SLC16A6: variants seen among roughly 807,000 people sequenced by gnomAD.
SLC16A6 encodes the protein monocarboxylate transporter 7.
In SLC16A6, 15 loss-of-function variants were observed where a neutral mutation model predicts 33.8. That is an observed-to-expected ratio of 0.44 (90% CI 0.30 to 0.68). The LOEUF is 0.68. Among genes scored for constraint, SLC16A6 ranks in the 30% least tolerant of loss-of-function variants. The pLI, the probability that SLC16A6 is intolerant of heterozygous loss-of-function variation, is 0.10. For missense variants in SLC16A6, 451 were observed against 661.5 expected, an observed-to-expected ratio of 0.68 and a Z score of 3.49; for synonymous variants, 219 against 248.4, an observed-to-expected ratio of 0.88 and a Z score of 1.11.
Position 68,269,006 on chromosome 17 carries a change from G to C in SLC16A6, c.*90C>G. On this transcript the variant is annotated 3_prime_UTR_variant, in exon 6 of 6. Coordinates refer to ENST00000580666, the MANE Select transcript of SLC16A6 (RefSeq NM_004694.5). ...AATGTAGTTTTGAAAGTGGAGTAGAGGGGTTAGCTCCTCTGCCTCCTTGTG... is the reference window on the plus strand; with the variant it reads ...AATGTAGTTTTGAAAGTGGAGTAGACGGGTTAGCTCCTCTGCCTCCTTGTG... 1.3e-6 allele frequency: 2 copies of C among 1,566,916 alleles called. No homozygotes were observed. The highest frequency in any genetic ancestry group is 1.7e-6 in the Non-Finnish European group (2 of 1,157,688).
intron 1 of SLC16A6, among the ~76,000 whole-genome samples, chr17:68,286,258 T>C (rs2075839921): frequency 6.6e-6 from 1 of 152,320 alleles, no homozygotes; most frequent in Admixed American, 6.5e-5. Context: ...ATCAGATGTT[T>C]ACACTTGCAA....
intron 2 of SLC16A6, among the ~76,000 whole-genome samples, chr17:68,276,226 T>G (rs1289125734): frequency 1.3e-5 from 2 of 151,772 alleles, no homozygotes; most frequent in African/African-American, 4.8e-5. Flanking sequence ...TCCGAGTAGC[T>G]GGGATTACAG....
chr17:68,284,856 T>C (rs2075805573), intron 1 of SLC16A6, among the ~76,000 whole-genome samples: 1 of 152,232 alleles, frequency 6.6e-6, no homozygotes, highest in Non-Finnish European at 1.5e-5. Flanking sequence ...CCTTTGCATT[T>C]TGATGTGTGT....
At chr17:68,274,784 CTT>C (rs11342192) in intron 2 of SLC16A6, among the ~76,000 whole-genome samples, 252 of 143,076 alleles carry the variant, frequency 1.8e-3, no homozygotes, top group Admixed American at 2.0e-3. Context: ...TAGTTTCTTT[CTT>C]TTTTTTTTTT....
intron 2 of SLC16A6, among the ~76,000 whole-genome samples, chr17:68,275,233 T>C (rs1832314646): frequency 6.6e-6 from 1 of 152,198 alleles, no homozygotes; most frequent in South Asian, 2.1e-4. Context: ...GCAAATTAGT[T>C]TCCTAGTTAT....
intron 1 of SLC16A6, chr17:68,285,646 C>A (rs12600946): frequency 0.36 from 54,405 of 151,954 alleles, 9,855 homozygotes; most frequent in East Asian, 0.39. Context: ...CTCCAGCCTG[C>A]GTGACAAGAA....
chr17:68,283,878 C>CG (rs2075777540), intron 1 of SLC16A6, among the ~76,000 whole-genome samples: 1 of 55,432 alleles, frequency 1.8e-5, no homozygotes, highest in African/African-American at 7.2e-5. Flanking sequence ...AACTCCGTCT[C>CG]AAAAAAAAAA....
At position 68,269,038 on chromosome 17, in the gene SLC16A6, T is replaced by C. The variant is rs532724967; in HGVS notation, c.*58A>G. 1.1e-5 allele frequency: 17 copies of C among 1,593,556 alleles called. 2 individuals are homozygous for C. Among genetic ancestry groups the C allele is most frequent in the Admixed American group, 8.8e-5 (5 of 56,540 alleles). ...GCTCCTCTGCCTCCTTGTGTCCCCG[T>C]TGGGCCCACCCCATCCCTCTCCAGC... On this transcript the variant is annotated 3_prime_UTR_variant, in exon 6 of 6. Coordinates refer to ENST00000580666, the MANE Select transcript of SLC16A6 (RefSeq NM_004694.5).
At chr17:68,274,305 A>T in intron 2 of SLC16A6, 2 of 360,218 alleles carry the variant, frequency 5.6e-6, no homozygotes, top group East Asian at 9.4e-5. Context: ...GTCTCTACAA[A>T]AAATACAAAA....
In SLC16A6 at chr17:68,268,854, A is replaced by G. The variant is rs1275534153; in HGVS notation, c.*242T>C. 3.4e-6 allele frequency: 2 copies of G among 585,128 alleles called. No individual in the cohort carries two copies. The highest frequency in any genetic ancestry group is 3.8e-5 in the African/African-American group (2 of 53,228). The allele number at this position is 585,128 out of a possible 1,614,324, so 36.2% of individuals were successfully genotyped here. A position where few individuals can be genotyped will look rare whatever the true frequency, so the allele number is the denominator to read the frequency against. On this transcript the variant is annotated 3_prime_UTR_variant, in exon 6 of 6. Coordinates refer to ENST00000580666, the MANE Select transcript of SLC16A6 (RefSeq NM_004694.5). ...TGCTACTGAATACAGCCAGATTTAT[A>G]TATGGAAGAGTGCTTGGTTGTTTTT... is the stretch of plus-strand genomic sequence containing the variant.
intron 3 of SLC16A6, 46 bp downstream of exon 3, chr17:68,273,881 C>T: frequency 6.3e-7 from 1 of 1,588,848 alleles, no homozygotes; most frequent in Non-Finnish European, 8.6e-7. Context: ...CCTTGTTCTT[C>T]AAACTAAGTG....
chr17:68,269,673 G>GT (rs782421181), intron 5 of SLC16A6, among the ~76,000 whole-genome samples: 144 of 77,884 alleles, frequency 1.8e-3, no homozygotes, highest in Non-Finnish European at 1.9e-3. Context: ...TTCACTTTAG[G>GT]TTTTTTTTTT....
intron 1 of SLC16A6, among the ~76,000 whole-genome samples, chr17:68,288,517 G>A (rs886098261): frequency 1.3e-4 from 20 of 152,228 alleles, no homozygotes; most frequent in African/African-American, 4.3e-4. Flanking sequence ...CTGGTGAGGC[G>A]AGCTGAGTCA....
At chr17:68,291,469 G>C (rs1415340163), upstream of SLC16A6, 2 of 150,866 alleles carry the variant, frequency 1.3e-5, no homozygotes, top group African/African-American at 4.8e-5. Context: ...GCGCAGCCAA[G>C]GAGGGGGCCT....
intron 2 of SLC16A6, among the ~76,000 whole-genome samples, chr17:68,276,072 T>C (rs1451128619): frequency 2.6e-5 from 4 of 152,048 alleles, no homozygotes; most frequent in African/African-American, 9.7e-5. Context: ...GTATGAGAAC[T>C]AACAAGATAA....
At position 68,278,541 on chromosome 17, in the gene SLC16A6, T is replaced by G. The variant is rs543100373; in HGVS notation, c.-7-214A>C. ...CTCAGCTCACTGCAACCTCTGCAAT[T>G]CTCCTACGTCAGCCTCCCAAGTAGC... On this transcript the variant is annotated intron_variant, in intron 1 of 5. Transcript: ENST00000580666. Among the ~76,000 whole-genome samples, 8 of 152,044 alleles carry G rather than the reference T, an allele frequency of 5.3e-5. No homozygotes were observed. In the East Asian group the frequency reaches 1.5e-3, roughly 29 times the overall value.
intron 1 of SLC16A6, among the ~76,000 whole-genome samples, chr17:68,289,502 G>C (rs2075918357): frequency 6.6e-6 from 1 of 152,200 alleles, no homozygotes; most frequent in Non-Finnish European, 1.5e-5. Flanking sequence ...GGCTACTGTT[G>C]TAGGCAGACC....
intron 2 of SLC16A6, 28 bp downstream of exon 2, chr17:68,278,061 T>A (rs1251961890): frequency 6.5e-7 from 1 of 1,541,070 alleles, no homozygotes; most frequent in East Asian, 2.2e-5. Context: ...TATACTTACG[T>A]CATGGTTAGG....
Position 68,270,957 on chromosome 17 carries a change from C to G in SLC16A6, c.1203G>C (p.Gly401=). The G allele has an allele frequency of 6.2e-7, 1 of 1,614,142 alleles. No homozygotes were observed. Among genetic ancestry groups the G allele is most frequent in the Non-Finnish European group, 8.5e-7 (1 of 1,180,028 alleles). Residue 401 remains glycine, a synonymous_variant, in exon 5 of 6, where the codon GGG becomes GGC. Coordinates refer to ENST00000580666, the MANE Select transcript of SLC16A6 (RefSeq NM_004694.5). ...CCTCAGCAAGCAGTGGAATGTGAGTCCCTCCTATTGTTCCAACCATAAACC... is the reference window on the plus strand; with the variant it reads ...CCTCAGCAAGCAGTGGAATGTGAGTGCCTCCTATTGTTCCAACCATAAACC... ...FFGFMVGTIG[G]THIPLLAEDD... is the part of the protein sequence containing the mutation.
Sources: gnomAD v4.1 joint callset for allele counts (sites outside exome capture counted in the v4.1 genomes callset) on GRCh38, gnomAD v4.1.1 for gene constraint, MANE v1.5 for transcripts, NCBI Gene and HGNC (gene_info 2026-07-23, HGNC 2026-07-21) for gene names.